The following ZNF98 variants were observed in gnomAD, a reference collection of about 807,000 sequenced individuals.
ZNF98 encodes zinc finger protein 98, also known as zinc finger protein 739.
In ZNF98, 8 loss-of-function variants were observed where a neutral mutation model predicts 12.8. That is an observed-to-expected ratio of 0.63 (90% CI 0.37 to 1.13). The LOEUF (loss-of-function observed/expected upper bound fraction) is 1.13. Among genes scored for constraint, ZNF98 ranks in the 50% most tolerant of loss-of-function variants. ZNF98 has a pLI of 0.01. For missense variants in ZNF98, 379 were observed against 666.1 expected (o/e 0.57, Z 4.74); for synonymous variants, 112 against 223.5 (o/e 0.50, Z 4.45).
At chr19:22,397,478 T>C (rs1304854506) in intron 3 of ZNF98, among the ~76,000 whole-genome samples, 2 of 152,034 alleles carry the variant, frequency 1.3e-5, no homozygotes, top group African/African-American at 4.8e-5. Flanking sequence ...AATACAACAT[T>C]TTCCTTCATA....
intron 1 of ZNF98, among the ~76,000 whole-genome samples, chr19:22,405,773 G>A (rs1405243422): frequency 3.3e-5 from 5 of 152,178 alleles, no homozygotes; most frequent in Admixed American, 3.3e-4. Context: ...TCCCCGGGGA[G>A]GGGCAGCAAC....
intron 3 of ZNF98, among the ~76,000 whole-genome samples, chr19:22,400,575 T>C (rs1969444749): frequency 6.6e-6 from 1 of 151,414 alleles, no homozygotes; most frequent in African/African-American, 2.4e-5. Context: ...ACAAGCTACC[T>C]ACCCCTCTCC....
At chr19:22,403,850 CAT>C (rs1969489099) in intron 1 of ZNF98, among the ~76,000 whole-genome samples, 1 of 152,226 alleles carries the variant, frequency 6.6e-6, no homozygotes, top group African/African-American at 2.4e-5. Flanking sequence ...ATGGAAAAGA[CAT>C]ATTCAGTTAG....
At chr19:22,414,946 A>G (rs1213840012) in intron 1 of ZNF98, among the ~76,000 whole-genome samples, 1 of 152,180 alleles carries the variant, frequency 6.6e-6, no homozygotes, top group East Asian at 1.9e-4. Flanking sequence ...AACAAACAAC[A>G]CACAGAATAA....
At chr19:22,407,684 C>T (rs1442878638) in intron 1 of ZNF98, among the ~76,000 whole-genome samples, 3 of 147,290 alleles carry the variant, frequency 2.0e-5, no homozygotes, top group Non-Finnish European at 4.5e-5. Flanking sequence ...TATACTCCAA[C>T]CTGGATGACA....
At chr19:22,416,255 G>A (rs1236116938) in intron 1 of ZNF98, among the ~76,000 whole-genome samples, 1 of 151,846 alleles carries the variant, frequency 6.6e-6, no homozygotes, top group East Asian at 1.9e-4. Context: ...CAGATCATGA[G>A]GTCAGGAGAT....
intron 1 of ZNF98, among the ~76,000 whole-genome samples, chr19:22,415,917 AC>A (rs1341807915): frequency 6.9e-6 from 1 of 144,966 alleles, no homozygotes; most frequent in Non-Finnish European, 1.5e-5. Context: ...ACATGGTGAA[AC>A]CCCGTTCCTA....
intron 1 of ZNF98, among the ~76,000 whole-genome samples, chr19:22,415,491 G>C (rs975590841): frequency 1.3e-5 from 2 of 152,098 alleles, no homozygotes; most frequent in African/African-American, 2.4e-5. Context: ...AATATGGTAT[G>C]GCTGGCCATG....
At chr19:22,404,971 C>T (rs1229166665) in intron 1 of ZNF98, among the ~76,000 whole-genome samples, 1 of 152,082 alleles carries the variant, frequency 6.6e-6, no homozygotes, top group Non-Finnish European at 1.5e-5. Context: ...TATTCAGTAT[C>T]CACCCTTTCC....
Position 22,391,686 on chromosome 19 carries a change from G to C in ZNF98, c.1549C>G (p.Pro517Ala), listed in dbSNP as rs371568035. The change falls in exon 4 of 4, where the codon CCC becomes GCC. Residue 517 changes from proline (P) to alanine (A), a missense_variant. Transcript: ENST00000357774. ...TTGCCGCATTCTTCACACTTGTAGG[G>C]TTTCTCTCCAGTATGAATCATCTTA... ...THKMIHTGEK[P>A]YKCEECGKAF... The C allele has an allele frequency of 2.8e-5, 45 of 1,613,870 alleles. No homozygotes were observed. The highest frequency in any genetic ancestry group is 3.7e-5 in the Non-Finnish European group (44 of 1,179,934).
intron 1 of ZNF98, among the ~76,000 whole-genome samples, chr19:22,412,147 A>G (rs1382257682): frequency 1.8e-4 from 27 of 152,310 alleles, no homozygotes; most frequent in South Asian, 2.1e-4. Flanking sequence ...CGTGGCACAT[A>G]CTCTAAAATT....
chr19:22,422,301 G>A lies in ZNF98; in HGVS notation c.-77C>T, dbSNP rs11669353. On this transcript the variant is annotated 5_prime_UTR_variant, in exon 1 of 4. Transcript: ENST00000357774. Reference sequence around the variant, plus strand: ...CCTCTACGAGCAGAGGACACAGAAGGGCGAAGACGAGACCAGGAACTCCGG... The same window carrying A: ...CCTCTACGAGCAGAGGACACAGAAGAGCGAAGACGAGACCAGGAACTCCGG... The A allele has an allele frequency of 1.8e-5, 29 of 1,574,528 alleles. No homozygotes were observed. The highest frequency in any genetic ancestry group is 2.2e-5 in the South Asian group (2 of 90,310).
At chr19:22,412,692 G>A (rs1969592733) in intron 1 of ZNF98, among the ~76,000 whole-genome samples, 4 of 151,736 alleles carry the variant, frequency 2.6e-5, no homozygotes, top group Admixed American at 2.6e-4. Flanking sequence ...AACCAAATTG[G>A]GCAGGACATC....
At chr19:22,418,225 A>G (rs1389058185) in intron 1 of ZNF98, among the ~76,000 whole-genome samples, 2 of 152,084 alleles carry the variant, frequency 1.3e-5, no homozygotes, top group Admixed American at 6.6e-5. Context: ...TATGCTTCTG[A>G]GCTACTGTTT....
In ZNF98 at chr19:22,413,897, G is replaced by A. The variant is rs1274133113; in HGVS notation, c.30+8298C>T. On this transcript the variant is annotated intron_variant, in intron 1 of 3. Coordinates refer to ENST00000357774, the MANE Select transcript of ZNF98 (RefSeq NM_001098626.2). Reference sequence around the variant, plus strand: ...AAAAAAAAAAAAAAAAAAAAAGTCAGAGATGACACAAACAAATGGAAAACC... The same window carrying A: ...AAAAAAAAAAAAAAAAAAAAAGTCAAAGATGACACAAACAAATGGAAAACC... Among the ~76,000 whole-genome samples, 233 of 132,402 alleles carry A rather than the reference G, an allele frequency of 1.8e-3. 1 individual carries two copies. The highest frequency in any genetic ancestry group is 6.2e-3 in the African/African-American group (222 of 35,846). 86.9% of individuals were successfully genotyped at this position (132,402 alleles called of 152,430 possible). A position where few individuals can be genotyped will look rare whatever the true frequency, so the allele number is the denominator to read the frequency against.
chr19:22,405,269 TA>T (rs71180544), intron 1 of ZNF98, among the ~76,000 whole-genome samples: 55,568 of 123,174 alleles, frequency 0.45, 11,927 homozygotes, highest in Middle Eastern at 0.61. Context: ...CATGCTTAGC[TA>T]AAAAAAAAAA....
chr19:22,409,278 C>T (rs951354595), intron 1 of ZNF98, among the ~76,000 whole-genome samples: 5 of 152,216 alleles, frequency 3.3e-5, no homozygotes, highest in African/African-American at 7.2e-5. Flanking sequence ...ACATCTTATA[C>T]AAAAATTTAC....
At chr19:22,418,051 T>C (rs1471552823) in intron 1 of ZNF98, among the ~76,000 whole-genome samples, 4 of 152,148 alleles carry the variant, frequency 2.6e-5, no homozygotes, top group Non-Finnish European at 4.4e-5. Context: ...ACCAAATCTG[T>C]AGAGTTTGCT....
intron 1 of ZNF98, among the ~76,000 whole-genome samples, chr19:22,418,474 C>G (rs565731024): frequency 3.2e-4 from 49 of 152,324 alleles, no homozygotes; most frequent in Admixed American, 5.9e-4. Context: ...TCTCCAGAAA[C>G]AGTTTATGGA....
Sources: gnomAD v4.1 joint callset for allele counts (sites outside exome capture counted in the v4.1 genomes callset) on GRCh38, gnomAD v4.1.1 for gene constraint, MANE v1.5 for transcripts, NCBI Gene and HGNC (gene_info 2026-07-23, HGNC 2026-07-21) for gene names.